Variants in PLAAT1 observed in about 807,000 individuals in gnomAD.
The protein encoded by PLAAT1 is phospholipase A and acyltransferase 1, also known as H-REV107 protein-related protein.
In PLAAT1, 13 loss-of-function variants were observed where a neutral mutation model predicts 16.4. The ratio of observed to expected loss-of-function variants is 0.79; its 90% CI spans 0.52 to 1.26. PLAAT1 has a LOEUF of 1.26. PLAAT1 is among the 50% of genes most tolerant of loss of function. PLAAT1 has a pLI of 0.00. For missense variants in PLAAT1, 218 were observed against 207.8 expected, an observed-to-expected ratio of 1.05 and a Z score of -0.30; for synonymous variants, 73 against 78.4, an observed-to-expected ratio of 0.93 and a Z score of 0.36.
At chr3:193,275,310 A>C (rs773403664), downstream of PLAAT1, 15 of 1,611,256 alleles carry the variant, frequency 9.3e-6, no homozygotes, top group Non-Finnish European at 1.1e-5. Context: ...ATCCTGAAAA[A>C]TCAGATGGGA....
chr3:193,241,240 C>G lies in PLAAT1; in HGVS notation c.-294C>G. ...CCCCATGGTCAGAGCCTCGTGCCGG[C>G]TCGGCAGCGCCCGGACGCCGAGCCC... On this transcript the variant is annotated 5_prime_UTR_variant, in exon 1 of 4. Transcript: ENST00000264735. The G allele has an allele frequency of 8.2e-7, 1 of 1,225,756 alleles. No homozygotes were observed. The highest frequency in any genetic ancestry group is 1.0e-6 in the Non-Finnish European group (1 of 984,136). The allele number at this position is 1,225,756 out of a possible 1,614,324, so 75.9% of individuals were successfully genotyped here. A position where few individuals can be genotyped will look rare whatever the true frequency, so the allele number is the denominator to read the frequency against.
At chr3:193,272,841 A>G (rs1259232054), downstream of PLAAT1, among the ~76,000 whole-genome samples, 4 of 152,108 alleles carry the variant, frequency 2.6e-5, no homozygotes, top group Non-Finnish European at 5.9e-5. Context: ...TCAGTTTCCC[A>G]TAAAACTGGT....
At chr3:193,248,428 G>A (rs758278145) in intron 1 of PLAAT1, among the ~76,000 whole-genome samples, 79 of 151,848 alleles carry the variant, frequency 5.2e-4, no homozygotes, top group Non-Finnish European at 1.0e-3. Context: ...ATTATTGGTA[G>A]GTAAGAACTT....
At chr3:193,250,449 T>G (rs112314305) in intron 1 of PLAAT1, among the ~76,000 whole-genome samples, 10 of 152,176 alleles carry the variant, frequency 6.6e-5, no homozygotes, top group African/African-American at 2.4e-4. Context: ...CTGCTCACAT[T>G]GGACCTGGAG....
In PLAAT1 at chr3:193,263,047, G is replaced by A. The variant is rs765880194; in HGVS notation, c.217G>A (p.Asp73Asn). The A allele has an allele frequency of 6.2e-7, 1 of 1,614,110 alleles. No individual in the cohort carries two copies. The highest frequency in any genetic ancestry group is 8.5e-7 in the Non-Finnish European group (1 of 1,180,012). Reference protein sequence around the residue: ...KALVKMQLLKDVVGNDTYRIN... With the variant: ...KALVKMQLLKNVVGNDTYRIN... ...CCTGGTGAAAATGCAGCTCTTGAAG[G>A]ATGTTGTGGGAAATGACACATACAG... Residue 73 changes from aspartate (D) to asparagine (N), a missense_variant, in exon 3 of 4, where the codon GAT (aspartate) becomes AAT (asparagine). By Grantham distance (23) the Asp-to-Asn change is conservative (BLOSUM62 1). Transcript: ENST00000264735.
chr3:193,263,831 T>A (rs946381521), intron 3 of PLAAT1, among the ~76,000 whole-genome samples: 1 of 152,194 alleles, frequency 6.6e-6, no homozygotes, highest in African/African-American at 2.4e-5. Context: ...TTTTGTCAGT[T>A]ACTACCATTG....
downstream of PLAAT1, among the ~76,000 whole-genome samples, chr3:193,280,283 G>C (rs1370976800): frequency 6.6e-6 from 1 of 152,002 alleles, no homozygotes; most frequent in African/African-American, 2.4e-5. Context: ...TCGAACTCCT[G>C]ACCTGCGATC....
intron 2 of PLAAT1, among the ~76,000 whole-genome samples, chr3:193,259,481 C>T (rs986247611): frequency 2.6e-5 from 4 of 152,144 alleles, no homozygotes; most frequent in Non-Finnish European, 4.4e-5. Context: ...GAAAGCCCTA[C>T]AGACTCCACC....
At chr3:193,268,355 C>T (rs989301743) in intron 3 of PLAAT1, among the ~76,000 whole-genome samples, 15 of 152,104 alleles carry the variant, frequency 9.9e-5, no homozygotes, top group African/African-American at 2.9e-4. Flanking sequence ...TCTGTGTCCC[C>T]GCTATACTGC....
chr3:193,254,859 G>A (rs1160887310), intron 1 of PLAAT1, among the ~76,000 whole-genome samples: 1 of 152,078 alleles, frequency 6.6e-6, no homozygotes, highest in Non-Finnish European at 1.5e-5. Context: ...GCAAACCAGA[G>A]TACCTATACA....
At chr3:193,251,481 C>T (rs1577301524) in intron 1 of PLAAT1, among the ~76,000 whole-genome samples, 1 of 152,232 alleles carries the variant, frequency 6.6e-6, no homozygotes, top group African/African-American at 2.4e-5. Context: ...GGCACTACAG[C>T]AGCTGACAGA....
intron 3 of PLAAT1, among the ~76,000 whole-genome samples, chr3:193,268,908 T>C (rs367860856): frequency 1.3e-4 from 20 of 152,292 alleles, no homozygotes; most frequent in African/African-American, 4.8e-4. Context: ...GATCCTGCCA[T>C]TTTCCAAGGG....
chr3:193,280,197 C>G (rs963915437), downstream of PLAAT1, among the ~76,000 whole-genome samples: 1 of 151,902 alleles, frequency 6.6e-6, no homozygotes, highest in African/African-American at 2.4e-5. Flanking sequence ...ACTACAGGCG[C>G]CCACCACCAT....
At chr3:193,249,005 C>T (rs754990995) in intron 1 of PLAAT1, among the ~76,000 whole-genome samples, 15 of 152,126 alleles carry the variant, frequency 9.9e-5, no homozygotes, top group Non-Finnish European at 1.9e-4. Flanking sequence ...TGATAAATTC[C>T]CTCAGCTTTT....
chr3:193,257,017 A>C (rs1276515889), intron 2 of PLAAT1, among the ~76,000 whole-genome samples: 1 of 152,184 alleles, frequency 6.6e-6, no homozygotes, highest in African/African-American at 2.4e-5. Flanking sequence ...GGGTTTAACC[A>C]CTATTTAGAC....
chr3:193,278,017 T>C (rs1469800174), downstream of PLAAT1, among the ~76,000 whole-genome samples: 1 of 152,176 alleles, frequency 6.6e-6, no homozygotes, highest in Non-Finnish European at 1.5e-5. Flanking sequence ...TTGGCCAGGC[T>C]GGTCTTGAAC....
At chr3:193,249,195 A>G (rs955119894) in intron 1 of PLAAT1, among the ~76,000 whole-genome samples, 2 of 151,902 alleles carry the variant, frequency 1.3e-5, no homozygotes, top group Non-Finnish European at 2.9e-5. Context: ...GTCCCCTTTT[A>G]TGTAACAAGT....
intron 2 of PLAAT1, among the ~76,000 whole-genome samples, chr3:193,257,483 G>A (rs1226032894): frequency 1.3e-5 from 2 of 152,044 alleles, no homozygotes; most frequent in Non-Finnish European, 2.9e-5. Flanking sequence ...TCTCAATAAA[G>A]TCAAAAAAAC....
intron 2 of PLAAT1, among the ~76,000 whole-genome samples, chr3:193,256,269 A>T (rs1303523300): frequency 6.6e-6 from 1 of 152,186 alleles, no homozygotes; most frequent in Non-Finnish European, 1.5e-5. Context: ...GTGATAAGTG[A>T]TACAGAAAAA....
Sources: gnomAD v4.1 joint callset for allele counts (sites outside exome capture counted in the v4.1 genomes callset) on GRCh38, gnomAD v4.1.1 for gene constraint, MANE v1.5 for transcripts, NCBI Gene and HGNC (gene_info 2026-07-23, HGNC 2026-07-21) for gene names.